AP3B2: variants seen among roughly 807,000 people sequenced by gnomAD.
The protein encoded by AP3B2 is AP-3 complex subunit beta-2.
A neutral mutation model predicts 126.9 loss-of-function variants in AP3B2; 50 were observed. The observed-to-expected ratio is 0.39, with a 90% CI of 0.31 to 0.50. The LOEUF (loss-of-function observed/expected upper bound fraction) is 0.50. AP3B2 is among the 20% of genes least tolerant of loss of function. AP3B2 has a pLI of 0.79. For synonymous variants in AP3B2, 541 were observed against 565.0 expected (o/e 0.96, Z 0.60); for missense variants, 1,177 against 1,426.4 (o/e 0.83, Z 2.82).
chr15:82,685,834 A>G (rs1199494417), intron 4 of AP3B2: 1 of 152,176 alleles, frequency 6.6e-6, no homozygotes, highest in Non-Finnish European at 1.5e-5. Context: ...CATTTTTAAG[A>G]GCAGAATTCA....
chr15:82,660,020 GT>G, intron 25 of AP3B2, 37 bp from the exon 26 acceptor site: 2 of 1,609,440 alleles, frequency 1.2e-6, no homozygotes, highest in South Asian at 2.2e-5. Context: ...AGAGGCCATG[GT>G]GGGTACAGAG....
In AP3B2 at chr15:82,659,653, C is replaced by A. The variant is rs750966468; in HGVS notation, c.3213G>T (p.Arg1071=). The A allele has an allele frequency of 1.9e-6, 3 of 1,613,950 alleles. No homozygotes were observed. Among genetic ancestry groups the A allele is most frequent in the Non-Finnish European group, 2.5e-6 (3 of 1,179,880 alleles). The change falls in exon 27 of 27, where the codon CGG becomes CGT. Residue 1071 remains arginine (R), a synonymous_variant. Transcript: ENST00000535359. The part of the protein sequence containing the change: ...GSLVLLTLDA[R]PAGAAQLTVN... ...CAGTCAGCTGGGCAGCTCCAGCTGG[C>A]CGGGCATCCAGGGTCAGCAGAACGA...
rs559118403 is a variant in AP3B2, at chr15:82,663,362, C to T, written c.2498-129G>A. On this transcript the variant is annotated intron_variant, in intron 21 of 26. Coordinates refer to ENST00000535359, the MANE Select transcript of AP3B2 (RefSeq NM_001278512.2). Reference sequence around the variant, plus strand: ...GGGCACATGGCTGCCTGGAGGCTCTCGCAAAATACCCATTCCTAGACCTCA... The same window carrying T: ...GGGCACATGGCTGCCTGGAGGCTCTTGCAAAATACCCATTCCTAGACCTCA... 1.3e-4 allele frequency: 129 copies of T among 979,366 alleles called. No individual in the cohort carries two copies. The African/African-American group carries it at 1.7e-3, about 13-fold the overall frequency. 60.7% of individuals were successfully genotyped at this position (979,366 alleles called of 1,614,324 possible).
rs1216235274 is a variant in AP3B2, at chr15:82,674,602, TGTGA to T, written c.1665+1855_1665+1858del. ...TTTTGTCCTGTTTCTCCTACTTGGCTGTGAGTATCTGGAGACCTGTAAATGTGTC... is the reference window on the plus strand; with the variant it reads ...TTTTGTCCTGTTTCTCCTACTTGGCTGTATCTGGAGACCTGTAAATGTGTC... On this transcript the variant is annotated intron_variant, in intron 14 of 26. Coordinates refer to ENST00000535359, the MANE Select transcript of AP3B2 (RefSeq NM_001278512.2). 3.3e-5 allele frequency among the ~76,000 whole-genome samples: 5 copies of T among 152,246 alleles called. No individual in the cohort carries two copies. The South Asian group carries it at 8.3e-4, about 25-fold the overall frequency.
At chr15:82,660,905 A>T (rs1311178100) in intron 25 of AP3B2, among the ~76,000 whole-genome samples, 1 of 152,072 alleles carries the variant, frequency 6.6e-6, no homozygotes, top group African/African-American at 2.4e-5. Context: ...CATGTACTTG[A>T]GCCGTGGTCT....
At chr15:82,699,111 A>G (rs1481397639) in intron 1 of AP3B2, 3 of 152,390 alleles carry the variant, frequency 2.0e-5, no homozygotes, top group African/African-American at 7.3e-5. Flanking sequence ...TGCTGCACTC[A>G]CTCTGACCTG....
chr15:82,703,535 A>C (rs1386177093), intron 1 of AP3B2, among the ~76,000 whole-genome samples: 1 of 151,992 alleles, frequency 6.6e-6, no homozygotes, highest in Non-Finnish European at 1.5e-5. Flanking sequence ...CTCACACCTG[A>C]CCTAAAACCT....
At chr15:82,661,021 CTG>C (rs142811690) in intron 25 of AP3B2, among the ~76,000 whole-genome samples, 3 of 152,298 alleles carry the variant, frequency 2.0e-5, no homozygotes, top group African/African-American at 7.2e-5. Context: ...TCTTAGGTAA[CTG>C]TGGTTTGCAG....
chr15:82,709,627 GC>G lies in AP3B2; in HGVS notation c.79del (p.Ala27ArgfsTer16). 6.6e-7 allele frequency: 1 copy of G among 1,515,454 alleles called. No individual in the cohort carries two copies. The highest frequency in any genetic ancestry group is 8.8e-7 in the Non-Finnish European group (1 of 1,134,134). 93.9% of individuals were successfully genotyped at this position (1,515,454 alleles called of 1,614,324 possible). A position where few individuals can be genotyped will look rare whatever the true frequency, so the allele number is the denominator to read the frequency against. ...PGEPEYGHDP[A>X]SGGIFSSDYK... is the part of the protein sequence containing the mutation. ...GTCGGAGGAGAAGATGCCGCCGCTC[GC>G]GGGGTCGTGGCCGTACTCGGGCTCC... On this transcript the variant is annotated frameshift_variant, in exon 1 of 27. Transcript: ENST00000535359. LOFTEE classifies it high-confidence loss of function.
At chr15:82,671,101 A>C (rs6422424) in intron 14 of AP3B2, among the ~76,000 whole-genome samples, 1 of 151,922 alleles carries the variant, frequency 6.6e-6, no homozygotes, top group African/African-American at 2.4e-5. Context: ...TGACCAACAC[A>C]GCGAAACCCC....
In AP3B2 at chr15:82,659,864, C is replaced by T. The variant is rs769837594; in HGVS notation, c.3136G>A (p.Gly1046Arg). 6.2e-7 allele frequency: 1 copy of T among 1,613,994 alleles called. No homozygotes were observed. The highest frequency in any genetic ancestry group is 2.2e-5 in the East Asian group (1 of 44,878). ...ATANLGRVPC[G>R]TSDEYRFAGR... ...TAGTACCTGTACTCATCAGATGTCCCACAAGGAACACGACCCAGGTTGGCA... is the reference window on the plus strand; with the variant it reads ...TAGTACCTGTACTCATCAGATGTCCTACAAGGAACACGACCCAGGTTGGCA... The change falls in exon 26 of 27, where the codon GGG (glycine) becomes AGG (arginine). Residue 1046 changes from glycine (G) to arginine (R), a missense_variant. Physicochemically the swap from Gly to Arg is moderately radical, Grantham distance 125. This residue lies in a region of AP3B2 where 587 missense variants were observed against 571.3 expected (regional missense o/e 1.03). Transcript: ENST00000535359.
chr15:82,689,096 C>T, intron 3 of AP3B2, 62 bp downstream of exon 3: 2 of 1,584,790 alleles, frequency 1.3e-6, no homozygotes, highest in South Asian at 1.1e-5. Flanking sequence ...TTCCTCACCC[C>T]AAGCTTGAGT....
At chr15:82,668,061 A>G (rs1466380275) in intron 14 of AP3B2, among the ~76,000 whole-genome samples, 2 of 152,208 alleles carry the variant, frequency 1.3e-5, no homozygotes, top group Non-Finnish European at 2.9e-5. Context: ...AGCCTTGGAC[A>G]TGGTTAACCC....
chr15:82,709,546 G>A (rs1169543568), intron 1 of AP3B2, 48 bp downstream of exon 1: 9 of 1,357,560 alleles, frequency 6.6e-6, no homozygotes, highest in Middle Eastern at 2.7e-4. Flanking sequence ...CGCCTCGCCC[G>A]GTCCCCGGCC....
Position 82,678,136 on chromosome 15 carries a change from G to C in AP3B2, c.1214C>G (p.Thr405Ser), listed in dbSNP as rs752377063. The change falls in exon 11 of 27, where the codon ACC becomes AGC. Residue 405 changes from threonine (T) to serine (S), a missense_variant. By Grantham distance (58) the Thr-to-Ser change is moderately conservative. Transcript: ENST00000535359. ...TTCCCGTAGGACAGTAGGAATGTTG[G>C]TCTCATTGGCCAGGTTGGTCAGCAC... ...LEVLTNLANE[T>S]NIPTVLREFQ... is the part of the protein sequence containing the mutation. 2.5e-6 allele frequency: 4 copies of C among 1,613,812 alleles called. No individual in the cohort carries two copies. The highest frequency in any genetic ancestry group is 3.4e-6 in the Non-Finnish European group (4 of 1,179,882).
At chr15:82,668,773 G>A (rs2048099613) in intron 14 of AP3B2, among the ~76,000 whole-genome samples, 1 of 151,838 alleles carries the variant, frequency 6.6e-6, no homozygotes, top group African/African-American at 2.4e-5. Flanking sequence ...AGGAATTACA[G>A]GCTGTTCAAG....
chr15:82,688,412 G>A (rs541936714), intron 4 of AP3B2: 8 of 702,284 alleles, frequency 1.1e-5, no homozygotes, highest in African/African-American at 8.7e-5. Context: ...AGGGGGGTGA[G>A]GGTTGAGGGG....
At chr15:82,706,505 A>G (rs4779054) in intron 1 of AP3B2, among the ~76,000 whole-genome samples, 86,309 of 151,898 alleles carry the variant, frequency 0.57, 24,926 homozygotes, top group Non-Finnish European at 0.63. Context: ...ATCAAAAGGC[A>G]TCAGATCCCA....
chr15:82,666,456 T>C (rs2048059927), intron 15 of AP3B2, among the ~76,000 whole-genome samples: 1 of 152,208 alleles, frequency 6.6e-6, no homozygotes, highest in African/African-American at 2.4e-5. Flanking sequence ...TTCCAAAGCC[T>C]AGTGTCTGCT....
Sources: allele counts gnomAD v4.1 joint callset (sites outside exome capture counted in the v4.1 genomes callset), GRCh38; gene constraint gnomAD v4.1.1; regional missense constraint gnomAD v4.1.1; transcripts MANE v1.5; gene names NCBI Gene and HGNC (gene_info 2026-07-23, HGNC 2026-07-21).